Variants in CNTNAP2 observed in about 807,000 individuals in gnomAD.
CNTNAP2 encodes contactin-associated protein-like 2.
A neutral mutation model predicts 155.2 loss-of-function variants in CNTNAP2; 98 were observed. The observed-to-expected ratio is 0.63, with a 90% CI of 0.54 to 0.75. CNTNAP2 has a LOEUF of 0.75. Among genes scored for constraint, CNTNAP2 ranks in the 30% least tolerant of loss-of-function variants. The pLI is 0.00. For synonymous variants in CNTNAP2, 651 were observed against 631.2 expected (o/e 1.03, Z -0.47); for missense variants, 1,727 against 1,688.1 (o/e 1.02, Z -0.40).
chr7:147,717,716 A>G (rs1796501749), intron 13 of CNTNAP2, among the ~76,000 whole-genome samples: 2 of 152,104 alleles, frequency 1.3e-5, no homozygotes, highest in African/African-American at 2.4e-5. Flanking sequence ...TTTGAGGAGA[A>G]TTTAAAAAAG....
intron 1 of CNTNAP2, among the ~76,000 whole-genome samples, chr7:146,493,619 C>T (rs561581725): frequency 2.6e-5 from 4 of 151,976 alleles, no homozygotes; most frequent in East Asian, 1.9e-4. Context: ...TGTACAAAAT[C>T]AATAAAGAGC....
intron 1 of CNTNAP2, among the ~76,000 whole-genome samples, chr7:146,264,138 C>T (rs576136247): frequency 1.6e-4 from 24 of 152,122 alleles, no homozygotes; most frequent in African/African-American, 5.5e-4. Context: ...AAAAACATTG[C>T]CCTGTAGAAA....
chr7:147,315,341 C>T (rs1016514545), intron 9 of CNTNAP2, among the ~76,000 whole-genome samples: 34 of 150,944 alleles, frequency 2.3e-4, no homozygotes, highest in African/African-American at 7.7e-4. Flanking sequence ...TAATTTTCGG[C>T]CATTTTCATG....
chr7:147,931,162 A>T (rs1031468260), intron 14 of CNTNAP2, among the ~76,000 whole-genome samples: 11 of 151,980 alleles, frequency 7.2e-5, no homozygotes, highest in African/African-American at 2.7e-4. Context: ...GCCCAAAGTT[A>T]GCAGAAGGAA....
At chr7:146,930,751 C>A (rs1796732882) in intron 3 of CNTNAP2, among the ~76,000 whole-genome samples, 1 of 151,930 alleles carries the variant, frequency 6.6e-6, no homozygotes, top group Admixed American at 6.6e-5. Flanking sequence ...ATCTACCAAG[C>A]AAATGGAAAA....
At chr7:146,641,210 C>G (rs1479235820) in intron 1 of CNTNAP2, among the ~76,000 whole-genome samples, 1 of 152,134 alleles carries the variant, frequency 6.6e-6, no homozygotes, top group East Asian at 1.9e-4. Context: ...GCCTGTAGTC[C>G]CAGCTACTTG....
intron 18 of CNTNAP2, among the ~76,000 whole-genome samples, chr7:148,215,311 G>A (rs1040016013): frequency 6.6e-6 from 1 of 152,084 alleles, no homozygotes; most frequent in African/African-American, 2.4e-5. Flanking sequence ...AATTATCCTT[G>A]GCTACAAAGA....
rs149660207 is a variant in CNTNAP2 at position 146,389,366 on chromosome 7, A to G, written c.97+272393A>G. Among the ~76,000 whole-genome samples the G allele has an allele frequency of 5.6e-3, 844 of 152,014 alleles. 8 individuals carry two copies. Among genetic ancestry groups the G allele is most frequent in the Non-Finnish European group, 9.5e-3 (647 of 67,948 alleles). ...TTCTTAAGTTCTGGAAAATTTTATT[A>G]ATTTTTCTTCTTCTTATCTCTACCA... On this transcript the variant is annotated intron_variant, in intron 1 of 23. Coordinates refer to ENST00000361727, the MANE Select transcript of CNTNAP2 (RefSeq NM_014141.6).
chr7:147,947,819 C>T (rs2116824926), intron 14 of CNTNAP2, among the ~76,000 whole-genome samples: 2 of 152,132 alleles, frequency 1.3e-5, no homozygotes, highest in Middle Eastern at 3.4e-3. Context: ...ATTTTCTGAG[C>T]CCCAAGAACT....
intron 3 of CNTNAP2, among the ~76,000 whole-genome samples, chr7:146,970,634 A>C (rs568016992): frequency 3.9e-5 from 6 of 152,114 alleles, no homozygotes; most frequent in African/African-American, 4.8e-5. Context: ...TAGTTCAACC[A>C]TTGTGGAAGT....
chr7:146,928,304 C>T (rs1453466477), intron 3 of CNTNAP2, among the ~76,000 whole-genome samples: 1 of 152,178 alleles, frequency 6.6e-6, no homozygotes, highest in Non-Finnish European at 1.5e-5. Flanking sequence ...TTTCTCTAAA[C>T]AGTCTTGCAT....
intron 4 of CNTNAP2, among the ~76,000 whole-genome samples, chr7:147,057,621 T>C (rs1181014357): frequency 6.6e-6 from 1 of 152,126 alleles, no homozygotes. Context: ...TAGAAGTGCA[T>C]CATATTTCCC....
chr7:147,942,740 A>C (rs1038077295), intron 14 of CNTNAP2, among the ~76,000 whole-genome samples: 5 of 152,132 alleles, frequency 3.3e-5, no homozygotes, highest in African/African-American at 4.8e-5. Flanking sequence ...TGCTATCAAG[A>C]CCACTGTGTC....
intron 1 of CNTNAP2, among the ~76,000 whole-genome samples, chr7:146,192,027 A>G (rs1263004286): frequency 2.0e-5 from 3 of 152,208 alleles, no homozygotes; most frequent in African/African-American, 4.8e-5. Context: ...ATAAATGTCC[A>G]TGAAATCTTC....
intron 9 of CNTNAP2, among the ~76,000 whole-genome samples, chr7:147,367,172 T>C (rs570019228): frequency 2.0e-5 from 3 of 152,338 alleles, no homozygotes; most frequent in African/African-American, 4.8e-5. Context: ...TAGTTTTTCT[T>C]AAAAACCAAC....
intron 3 of CNTNAP2, among the ~76,000 whole-genome samples, chr7:146,856,297 G>GATAGATAGATAGATAGATACATAC (rs869052895): frequency 1.7e-5 from 2 of 116,652 alleles, no homozygotes; most frequent in South Asian, 2.9e-4. Flanking sequence ...TAGATAGATA[G>GATAGATAGATAGATAGATACATAC]ATACATACAT....
intron 11 of CNTNAP2, among the ~76,000 whole-genome samples, chr7:147,532,931 G>T (rs914009469): frequency 1.3e-5 from 2 of 152,116 alleles, no homozygotes; most frequent in African/African-American, 4.8e-5. Context: ...TGAGATTTGG[G>T]CAGGGACACA....
chr7:146,421,378 T>C (rs1267718449), intron 1 of CNTNAP2, among the ~76,000 whole-genome samples: 2 of 152,002 alleles, frequency 1.3e-5, no homozygotes. Flanking sequence ...GGCTCTTGCT[T>C]AACTAACTTC....
At chr7:146,619,730 T>C (rs1799286895) in intron 1 of CNTNAP2, among the ~76,000 whole-genome samples, 1 of 152,170 alleles carries the variant, frequency 6.6e-6, no homozygotes, top group Admixed American at 6.5e-5. Context: ...TTGCATTTTA[T>C]ATGTCCTCAA....
Sources: allele counts gnomAD v4.1 joint callset (sites outside exome capture counted in the v4.1 genomes callset), GRCh38; gene constraint gnomAD v4.1.1; transcripts MANE v1.5; gene names NCBI Gene and HGNC (gene_info 2026-07-23, HGNC 2026-07-21).